N4BP2: variants seen among roughly 807,000 people sequenced by gnomAD.
N4BP2 encodes the protein NEDD4-binding protein 2.
N4BP2 carries 91 observed loss-of-function variants against 152.8 expected under a neutral mutation model. The observed-to-expected ratio is 0.60, with a 90% CI of 0.50 to 0.71. The LOEUF (loss-of-function observed/expected upper bound fraction) is 0.71. N4BP2 is among the 30% of genes least tolerant of loss of function. N4BP2 has a pLI of 0.00. For synonymous variants in N4BP2, 646 were observed against 705.3 expected (o/e 0.92, Z 1.33); for missense variants, 1,923 against 2,059.1 (o/e 0.93, Z 1.28).
rs1266979526 is a variant in N4BP2 at position 40,122,037 on chromosome 4, T to C, written c.3926T>C (p.Leu1309Pro). The C allele has an allele frequency of 1.3e-6, 2 of 1,545,706 alleles. No homozygotes were observed. The highest frequency in any genetic ancestry group is 1.7e-6 in the Non-Finnish European group (2 of 1,143,172). ...GAAGAAATTTATTTTACTGATTCTC[T>C]TGAAATAAAGAGAAATGAAAATTTT... ...LNEEIYFTDS[L>P]EIKRNENFPK... Residue 1309 changes from leucine to proline, a missense_variant, in exon 9 of 18, where the codon CTT becomes CCT. Transcript: ENST00000261435.
At chr4:40,167,885 A>G in the N4BP2 span, 1 of 152,190 alleles carries the variant, frequency 6.6e-6, no homozygotes, top group African/African-American at 2.4e-5. Context: ...TTCTCAGCAA[A>G]ACCTAAGAGG....
chr4:40,120,911 A>G lies in N4BP2; in HGVS notation c.2800A>G (p.Ser934Gly), dbSNP rs1271705881. Residue 934 changes from serine to glycine, a missense_variant, in exon 9 of 18, where the codon AGC (serine) becomes GGC (glycine). Ser to Gly is a moderately conservative substitution (Grantham distance 56, BLOSUM62 0). Transcript: ENST00000261435. ...AGCACATGAGGCCTGTTGGGGCACA[A>G]GCTCTCAAAAACTAAAGACATTGGG... ...STAHEACWGT[S>G]SQKLKTLGSS... The G allele has an allele frequency of 6.2e-7, 1 of 1,614,040 alleles. No individual in the cohort carries two copies. Among genetic ancestry groups the G allele is most frequent in the African/African-American group, 1.3e-5 (1 of 74,944 alleles).
At chr4:40,160,012 G>C (rs1290655623), downstream of N4BP2, among the ~76,000 whole-genome samples, 1 of 152,004 alleles carries the variant, frequency 6.6e-6, no homozygotes, top group Non-Finnish European at 1.5e-5. Flanking sequence ...TAGAGATGGG[G>C]TTTCAGCATG....
At chr4:40,064,551 G>A (rs1455405048) in intron 1 of N4BP2, among the ~76,000 whole-genome samples, 1 of 152,140 alleles carries the variant, frequency 6.6e-6, no homozygotes, top group African/African-American at 2.4e-5. Context: ...GGGGTTACAG[G>A]CGTGAGCCAC....
At chr4:40,092,011 TATATATATATATATATA>T (rs1320570055) in intron 2 of N4BP2, among the ~76,000 whole-genome samples, 1 of 30,200 alleles carries the variant, frequency 3.3e-5, no homozygotes, top group Admixed American at 3.8e-4. Flanking sequence ...AAAAAAATTA[TATATATATATATATATA>T]TATATATATA....
chr4:40,095,182 C>T (rs559796735), intron 2 of N4BP2, among the ~76,000 whole-genome samples: 2 of 152,190 alleles, frequency 1.3e-5, no homozygotes, highest in East Asian at 3.9e-4. Flanking sequence ...CTCCCAGGTT[C>T]AAGCAATTCT....
intron 4 of N4BP2, 106 bp downstream of exon 4, chr4:40,103,324 C>A: frequency 1.1e-6 from 1 of 942,662 alleles, no homozygotes; most frequent in Non-Finnish European, 1.6e-6. Flanking sequence ...CTTTAGTAAC[C>A]CCTAAAATGT....
Position 40,103,114 on chromosome 4 carries a change from A to G in N4BP2, c.1269A>G (p.Gln423=). ...NKDGTSAYQV[Q]ETPVSQVVRK... is the part of the protein sequence containing the mutation. ...ATGGAACAAGTGCTTATCAAGTACA[A>G]GAAACCCCAGTTTCTCAGGTTGTAA... is the stretch of plus-strand genomic sequence containing the variant. The change falls in exon 4 of 18, where the codon CAA becomes CAG. Residue 423 remains glutamine, a synonymous_variant. Transcript: ENST00000261435. 2.5e-6 allele frequency: 4 copies of G among 1,614,246 alleles called. No individual in the cohort carries two copies. Among genetic ancestry groups the G allele is most frequent in the Admixed American group, 1.7e-5 (1 of 60,026 alleles).
chr4:40,097,419 G>A lies in N4BP2; in HGVS notation c.79G>A (p.Val27Ile). The A allele has an allele frequency of 6.2e-7, 1 of 1,614,134 alleles. No homozygotes were observed. Among genetic ancestry groups the A allele is most frequent in the South Asian group, 1.1e-5 (1 of 91,082 alleles). ...ANPKEVVVSS[V>I]ASREEPTTTL... ...CCCTAAGGAAGTTGTCGTATCCAGT[G>A]TTGCTAGTCGTGAGGAGCCAACCAC... Residue 27 changes from valine to isoleucine, a missense_variant, in exon 3 of 18, where the codon GTT becomes ATT. Val to Ile is a conservative substitution (Grantham distance 29). Coordinates refer to ENST00000261435, the MANE Select transcript of N4BP2 (RefSeq NM_018177.6).
chr4:40,077,155 G>A (rs1259939303), intron 2 of N4BP2, among the ~76,000 whole-genome samples: 1 of 151,872 alleles, frequency 6.6e-6, no homozygotes, highest in Non-Finnish European at 1.5e-5. Flanking sequence ...GTGTGTGTGT[G>A]TGTGTGTATT....
intron 11 of N4BP2, among the ~76,000 whole-genome samples, chr4:40,125,259 G>A (rs1379734845): frequency 2.0e-5 from 3 of 152,216 alleles, no homozygotes. Context: ...GGACAGCAGA[G>A]GAATGTATCA....
At chr4:40,095,162 C>T (rs990482742) in intron 2 of N4BP2, among the ~76,000 whole-genome samples, 5 of 152,050 alleles carry the variant, frequency 3.3e-5, no homozygotes, top group Admixed American at 2.6e-4. Context: ...TGGCTCACTG[C>T]AACCTCTGCC....
intron 13 of N4BP2, among the ~76,000 whole-genome samples, chr4:40,135,072 A>G (rs1484224069): frequency 6.8e-6 from 1 of 146,632 alleles, no homozygotes; most frequent in Non-Finnish European, 1.5e-5. Context: ...AGCATTAGGT[A>G]TATCTCCCAA....
At chr4:40,093,970 G>A (rs1450161251) in intron 2 of N4BP2, among the ~76,000 whole-genome samples, 1 of 152,084 alleles carries the variant, frequency 6.6e-6, no homozygotes, top group Non-Finnish European at 1.5e-5. Context: ...CCTGAGCTCA[G>A]AGTGGTCTGC....
At chr4:40,159,881 G>GT (rs374845650), downstream of N4BP2, among the ~76,000 whole-genome samples, 44 of 148,452 alleles carry the variant, frequency 3.0e-4, no homozygotes, top group South Asian at 1.3e-3. Flanking sequence ...AGTTGTTGTT[G>GT]TTTTTTTTTT....
At chr4:40,147,565 T>C (rs1220976844) in intron 16 of N4BP2, among the ~76,000 whole-genome samples, 1 of 133,704 alleles carries the variant, frequency 7.5e-6, no homozygotes, top group African/African-American at 2.8e-5. Flanking sequence ...CTCCCGGACA[T>C]GGCGGCTGGC....
intron 14 of N4BP2, among the ~76,000 whole-genome samples, chr4:40,141,876 A>G (rs1034948390): frequency 2.0e-5 from 3 of 152,230 alleles, no homozygotes; most frequent in African/African-American, 4.8e-5. Context: ...ACTCGCGGTT[A>G]GGAGCTGGAG....
At chr4:40,082,898 C>A (rs1413529829) in intron 2 of N4BP2, 1 of 155,724 alleles carries the variant, frequency 6.4e-6, no homozygotes, top group Non-Finnish European at 1.4e-5. Context: ...GACGGGGTTT[C>A]ACCGTTTTAG....
At chr4:40,072,902 A>G (rs1712353043) in intron 1 of N4BP2, among the ~76,000 whole-genome samples, 1 of 151,470 alleles carries the variant, frequency 6.6e-6, no homozygotes, top group African/African-American at 2.4e-5. Flanking sequence ...TTTTATTTTT[A>G]GCAGAGACGG....
Sources: allele counts gnomAD v4.1 joint callset (sites outside exome capture counted in the v4.1 genomes callset), GRCh38; gene constraint gnomAD v4.1.1; transcripts MANE v1.5; gene names NCBI Gene and HGNC (gene_info 2026-07-23, HGNC 2026-07-21).